DYSF: variants seen among roughly 807,000 people sequenced by gnomAD.
DYSF encodes the protein dystrophy-associated fer-1-like 1.
In DYSF, 212 loss-of-function variants were observed where a neutral mutation model predicts 274.9. That is an observed-to-expected ratio of 0.77 (90% CI 0.69 to 0.86). The LOEUF (loss-of-function observed/expected upper bound fraction) is 0.86, where lower values mean the gene tolerates loss of function less well. Among genes scored for constraint, DYSF ranks in the 40% least tolerant of loss-of-function variants. The probability of loss-of-function intolerance (pLI) is 0.00; values close to 1 mark genes in which losing one functional copy is unlikely to be tolerated. For missense variants in DYSF, 2,666 were observed against 2,783.2 expected (o/e 0.96, Z 0.95); for synonymous variants, 1,091 against 1,078.7 (o/e 1.01, Z -0.22).
chr2:71,637,312 G>A (rs907366405), intron 41 of DYSF, among the ~76,000 whole-genome samples: 8 of 152,210 alleles, frequency 5.3e-5, no homozygotes, highest in African/African-American at 1.9e-4. Context: ...TGAGGGCAGA[G>A]GTTGGCCTTG....
In DYSF at chr2:71,656,148, C is replaced by T. The variant is rs2152937613; in HGVS notation, c.4627-14C>T. Reference sequence around the variant, plus strand: ...CTGTCTCTTGTCCCCTCCTCTAATCCCCATGTGTGGCAGGTCTATGACACA... The same window carrying T: ...CTGTCTCTTGTCCCCTCCTCTAATCTCCATGTGTGGCAGGTCTATGACACA... On this transcript the variant is annotated splice_polypyrimidine_tract_variant and intron_variant, in intron 42 of 55. Coordinates refer to ENST00000410020, the MANE Select transcript of DYSF (RefSeq NM_001130987.2). 1.9e-6 allele frequency: 3 copies of T among 1,614,010 alleles called. No individual in the cohort carries two copies. The highest frequency in any genetic ancestry group is 1.3e-5 in the African/African-American group (1 of 74,976).
chr2:71,633,562 T>C (rs2094348769), intron 41 of DYSF, among the ~76,000 whole-genome samples: 1 of 152,152 alleles, frequency 6.6e-6, no homozygotes, highest in Non-Finnish European at 1.5e-5. Context: ...AACCCCAGTG[T>C]TGGGTTGTTA....
Position 71,602,212 on chromosome 2 carries a change from C to T in DYSF, c.3928-564C>T, listed in dbSNP as rs571665227. ...GATTACATGCCAAGTTCAGCTGCAT[C>T]TATGAGAAGTAGTCATCTGGGCTGT... On this transcript the variant is annotated intron_variant, in intron 35 of 55. Transcript: ENST00000410020. 9.2e-5 allele frequency among the ~76,000 whole-genome samples: 14 copies of T among 152,330 alleles called. 1 individual carries two copies. The South Asian group carries it at 2.5e-3, about 27-fold the overall frequency.
intron 8 of DYSF, 132 bp from the exon 9 acceptor site, chr2:71,516,048 A>G (rs2086616674): frequency 2.0e-6 from 2 of 991,330 alleles, no homozygotes; most frequent in Non-Finnish European, 3.2e-6. Flanking sequence ...AATCCCCAGA[A>G]CTGTGCCCAA....
intron 16 of DYSF, among the ~76,000 whole-genome samples, 200 bp downstream of exon 16, chr2:71,535,511 T>G (rs1289564965): frequency 6.6e-6 from 1 of 150,944 alleles, no homozygotes; most frequent in African/African-American, 2.4e-5. Flanking sequence ...TGTTGGGAGG[T>G]AGGCAGATAA....
At chr2:71,494,904 G>A (rs1257693110) in intron 3 of DYSF, among the ~76,000 whole-genome samples, 1 of 152,136 alleles carries the variant, frequency 6.6e-6, no homozygotes, top group Non-Finnish European at 1.5e-5. Flanking sequence ...TCTACCCTCA[G>A]GAATGATCAA....
intron 3 of DYSF, among the ~76,000 whole-genome samples, chr2:71,485,968 C>T (rs560433046): frequency 1.2e-4 from 19 of 152,100 alleles, no homozygotes; most frequent in African/African-American, 2.9e-4. Context: ...CGTGAGCCAC[C>T]GCGCCCAGCC....
intron 3 of DYSF, among the ~76,000 whole-genome samples, chr2:71,492,724 T>C: frequency 7.4e-6 from 1 of 135,434 alleles, no homozygotes; most frequent in Admixed American, 7.5e-5. Context: ...CTTTCTCTCG[T>C]CTCTCCCTTC....
At chr2:71,503,111 C>A in intron 3 of DYSF, 103 bp from the exon 4 acceptor site, 1 of 1,044,684 alleles carries the variant, frequency 9.6e-7, no homozygotes, top group Non-Finnish European at 1.5e-6. Context: ...ACTGTGTGGT[C>A]TAGGCAGACC....
At chr2:71,538,828 C>T (rs928350129) in intron 16 of DYSF, among the ~76,000 whole-genome samples, 1 of 152,170 alleles carries the variant, frequency 6.6e-6, no homozygotes, top group African/African-American at 2.4e-5. Flanking sequence ...CCTGGCCCTG[C>T]CTCCTTGCCT....
chr2:71,558,370 A>AG lies in DYSF; in HGVS notation c.2216+2300dup, dbSNP rs142458516. Among the ~76,000 whole-genome samples, 1,345 of 152,168 alleles carry AG rather than the reference A, an allele frequency of 8.8e-3. 22 individuals carry two copies. Among genetic ancestry groups the AG allele is most frequent in the African/African-American group, 0.031 (1,279 of 41,508 alleles). ...CTGTGGTCTGGAGGTGGGAGGACAGAGTGGGGTTGGAGGGGCACATATGGG... is the reference window on the plus strand; with the variant it reads ...CTGTGGTCTGGAGGTGGGAGGACAGAGGTGGGGTTGGAGGGGCACATATGGG... On this transcript the variant is annotated intron_variant, in intron 22 of 55. Coordinates refer to ENST00000410020, the MANE Select transcript of DYSF (RefSeq NM_001130987.2).
At chr2:71,582,135 G>C (rs62145894) in intron 30 of DYSF, among the ~76,000 whole-genome samples, 1 of 114,314 alleles carries the variant, frequency 8.7e-6, no homozygotes, top group Non-Finnish European at 2.0e-5. Context: ...AAAAAAAAAG[G>C]CTTTATTGGC....
intron 51 of DYSF, among the ~76,000 whole-genome samples, chr2:71,670,764 C>A (rs1411867963): frequency 6.6e-6 from 1 of 152,164 alleles, no homozygotes. Flanking sequence ...CAGAGAGCAG[C>A]CCCCAGAGCA....
intron 29 of DYSF, among the ~76,000 whole-genome samples, chr2:71,571,931 A>T (rs1243330183): frequency 1.4e-5 from 2 of 143,556 alleles, no homozygotes; most frequent in Non-Finnish European, 3.0e-5. Flanking sequence ...ACATGCACAG[A>T]TCACACACAG....
At chr2:71,555,066 T>C (rs2091244855) in intron 21 of DYSF, among the ~76,000 whole-genome samples, 1 of 151,612 alleles carries the variant, frequency 6.6e-6, no homozygotes, top group South Asian at 2.1e-4. Flanking sequence ...GAGGTGAGCA[T>C]GGCTTGAAGG....
intron 41 of DYSF, among the ~76,000 whole-genome samples, chr2:71,623,965 A>C (rs1433737818): frequency 1.3e-5 from 2 of 152,186 alleles, no homozygotes; most frequent in Non-Finnish European, 2.9e-5. Flanking sequence ...GCTATTCAGG[A>C]GGCTGAGGTG....
At chr2:71,538,384 C>G (rs1008046557) in intron 16 of DYSF, among the ~76,000 whole-genome samples, 2 of 152,174 alleles carry the variant, frequency 1.3e-5, no homozygotes, top group Non-Finnish European at 2.9e-5. Flanking sequence ...CCACAGTCCC[C>G]TACCCTGGTT....
intron 42 of DYSF, among the ~76,000 whole-genome samples, chr2:71,644,553 G>A (rs938657715): frequency 2.7e-4 from 41 of 152,106 alleles, no homozygotes; most frequent in African/African-American, 8.7e-4. Flanking sequence ...GTTTGAGAAT[G>A]TACTCCTGAC....
At chr2:71,599,728 A>T (rs1175253009) in intron 33 of DYSF, among the ~76,000 whole-genome samples, 1 of 151,824 alleles carries the variant, frequency 6.6e-6, no homozygotes, top group Non-Finnish European at 1.5e-5. Flanking sequence ...ATGAAAGGGG[A>T]GGGGCTGGGT....
Sources: gnomAD v4.1 joint callset for allele counts (sites outside exome capture counted in the v4.1 genomes callset) on GRCh38, gnomAD v4.1.1 for gene constraint, MANE v1.5 for transcripts, NCBI Gene and HGNC (gene_info 2026-07-23, HGNC 2026-07-21) for gene names.